SLC9D1: variants seen among roughly 807,000 people sequenced by gnomAD.
The protein encoded by SLC9D1 is solute carrier family 9 member D1.
At chr13:113,503,737 A>ATG in the SLC9D1 span, 1 of 580,750 alleles carries the variant, frequency 1.7e-6, no homozygotes, top group Non-Finnish European at 3.0e-6. Flanking sequence ...TTTTTGGGAC[A>ATG]AATTCAGAAA....
the SLC9D1 span, chr13:113,520,626 C>A: frequency 6.2e-7 from 1 of 1,613,380 alleles, no homozygotes; most frequent in Admixed American, 1.7e-5. Context: ...GCGACATTGA[C>A]TACAGCACCG....
At chr13:113,495,547 G>A in the SLC9D1 span, 42 of 1,476,104 alleles carry the variant, frequency 2.8e-5, no homozygotes, top group African/African-American at 3.7e-4. Flanking sequence ...GCAGAGACCC[G>A]TGGATTGCTG....
chr13:113,493,658 C>G, the SLC9D1 span, among the ~76,000 whole-genome samples: 1 of 152,202 alleles, frequency 6.6e-6, no homozygotes, highest in African/African-American at 2.4e-5. Context: ...TAGGAAGTTA[C>G]CTGTTCTAGG....
chr13:113,507,301 C>T, the SLC9D1 span, among the ~76,000 whole-genome samples: 12 of 152,122 alleles, frequency 7.9e-5, no homozygotes, highest in African/African-American at 2.2e-4. Context: ...ACCCAGAAAA[C>T]GACATTATTA....
chr13:113,539,293 T>G, the SLC9D1 span: 3 of 1,537,464 alleles, frequency 2.0e-6, no homozygotes, highest in African/African-American at 2.8e-5. This position sits in a 1 kb window ranked among gnomAD's most constrained non-coding sequence, Gnocchi z 4.8. Flanking sequence ...GGGGTGGCCT[T>G]GGGATGGGGG....
At chr13:113,545,041 G>A in the SLC9D1 span, among the ~76,000 whole-genome samples, 32 of 147,804 alleles carry the variant, frequency 2.2e-4, no homozygotes, top group African/African-American at 7.1e-4. Context: ...CATGTTCCCC[G>A]CATTCAGAAG....
the SLC9D1 span, chr13:113,504,920 C>T: frequency 6.6e-6 from 1 of 152,208 alleles, no homozygotes; most frequent in African/African-American, 2.4e-5. Context: ...AGTTTACGCT[C>T]CCACCAGCAG....
the SLC9D1 span, chr13:113,548,294 C>T: frequency 2.5e-6 from 4 of 1,613,810 alleles, no homozygotes; most frequent in South Asian, 4.4e-5. Flanking sequence ...TAATGAACCG[C>T]TCTTGCAGTT....
chr13:113,549,516 C>T, the SLC9D1 span: 6 of 1,613,968 alleles, frequency 3.7e-6, no homozygotes, highest in Non-Finnish European at 5.1e-6. Context: ...GTGCCCAGAC[C>T]GGAGAGACGG....
At chr13:113,492,493 T>C in the SLC9D1 span, among the ~76,000 whole-genome samples, 1 of 151,770 alleles carries the variant, frequency 6.6e-6, no homozygotes, top group Non-Finnish European at 1.5e-5. Flanking sequence ...GCACCAACTA[T>C]ACATGCACTA....
the SLC9D1 span, among the ~76,000 whole-genome samples, chr13:113,538,249 G>T: frequency 6.6e-6 from 1 of 151,558 alleles, no homozygotes; most frequent in Middle Eastern, 3.2e-3. Flanking sequence ...TGTGTGTGTG[G>T]TATGTGTTCG....
chr13:113,538,426 G>C, the SLC9D1 span, among the ~76,000 whole-genome samples: 5 of 152,268 alleles, frequency 3.3e-5, no homozygotes, highest in Admixed American at 6.5e-5. Context: ...GGCTCTATTC[G>C]TGCTCTTTCC....
chr13:113,519,959 G>T, the SLC9D1 span, among the ~76,000 whole-genome samples: 1 of 152,248 alleles, frequency 6.6e-6, no homozygotes, highest in African/African-American at 2.4e-5. Flanking sequence ...AGCTGTAAAG[G>T]TGAGAAGCAA....
At chr13:113,509,283 G>T in the SLC9D1 span, among the ~76,000 whole-genome samples, 1 of 148,954 alleles carries the variant, frequency 6.7e-6, no homozygotes, top group South Asian at 2.1e-4. Context: ...GGGCTTGGTG[G>T]GTGGGTCCCC....
the SLC9D1 span, among the ~76,000 whole-genome samples, chr13:113,515,890 CAAAAAAAA>C: frequency 1.8e-4 from 14 of 79,066 alleles, no homozygotes; most frequent in Non-Finnish European, 2.6e-4. Context: ...GACTCCGTCC[CAAAAAAAA>C]AAAAAAAAAA....
the SLC9D1 span, chr13:113,510,131 G>A: frequency 9.7e-7 from 1 of 1,035,590 alleles, no homozygotes; most frequent in Admixed American, 2.0e-5. Flanking sequence ...CTTCACAAAA[G>A]CTCAGCTCTG....
the SLC9D1 span, chr13:113,528,289 G>A: frequency 6.6e-6 from 1 of 152,342 alleles, no homozygotes; most frequent in African/African-American, 2.4e-5. Context: ...GTGGTGTGAG[G>A]CCTGGCCAGG....
chr13:113,539,446 G>A, the SLC9D1 span: 5 of 1,613,642 alleles, frequency 3.1e-6, no homozygotes, highest in South Asian at 4.4e-5. This position sits in a 1 kb window ranked among gnomAD's most constrained non-coding sequence, Gnocchi z 4.8. Context: ...TCACCGAGGA[G>A]ATCGCCACCT....
chr13:113,523,536 A>G, the SLC9D1 span, among the ~76,000 whole-genome samples: 28,121 of 152,144 alleles, frequency 0.18, 3,436 homozygotes, highest in African/African-American at 0.35. Flanking sequence ...AACTTGCATC[A>G]TCTTTGTCTA....
Sources: allele counts gnomAD v4.1 joint callset (sites outside exome capture counted in the v4.1 genomes callset), GRCh38; gene constraint gnomAD v4.1.1; non-coding constraint Gnocchi (gnomAD v3.1); transcripts MANE v1.5; gene names NCBI Gene and HGNC (gene_info 2026-07-23, HGNC 2026-07-21).